Variants in SLC35F1 observed in about 807,000 individuals in gnomAD.
SLC35F1 encodes solute carrier family 35 member F1.
SLC35F1 carries 14 observed loss-of-function variants against 48.7 expected under a neutral mutation model. The observed-to-expected ratio is 0.29, with a 90% confidence interval of 0.19 to 0.45. The LOEUF (loss-of-function observed/expected upper bound fraction) is 0.45. Ranked by LOEUF, SLC35F1 falls within the 20% of genes least tolerant of loss-of-function variation. The pLI, the probability that SLC35F1 is intolerant of heterozygous loss-of-function variation, is 1.00. For synonymous variants in SLC35F1, 190 were observed against 202.2 expected, an observed-to-expected ratio of 0.94 and a Z score of 0.51; for missense variants, 404 against 500.0, an observed-to-expected ratio of 0.81 and a Z score of 1.83.
chr6:117,911,893 T>C (rs539447094), intron 1 of SLC35F1, among the ~76,000 whole-genome samples: 1 of 152,222 alleles, frequency 6.6e-6, no homozygotes, highest in East Asian at 1.9e-4. Context: ...CATACAGGAG[T>C]AGCTACTGAC....
At chr6:118,222,480 A>G (rs1775164145) in intron 2 of SLC35F1, among the ~76,000 whole-genome samples, 1 of 151,824 alleles carries the variant, frequency 6.6e-6, no homozygotes, top group Non-Finnish European at 1.5e-5. Context: ...CTTGACCTTC[A>G]AGGCCTATTT....
intron 3 of SLC35F1, among the ~76,000 whole-genome samples, chr6:118,265,721 C>G (rs1178296118): frequency 6.6e-6 from 1 of 152,120 alleles, no homozygotes; most frequent in Admixed American, 6.5e-5. Context: ...ATTTGGTAAT[C>G]AATAGGATAT....
intron 1 of SLC35F1, among the ~76,000 whole-genome samples, chr6:117,940,088 G>A (rs1202582639): frequency 6.6e-6 from 1 of 152,190 alleles, no homozygotes; most frequent in East Asian, 1.9e-4. Flanking sequence ...CAAGTACATG[G>A]AGGCACTATG....
chr6:118,221,548 A>G (rs1775150911), intron 2 of SLC35F1, among the ~76,000 whole-genome samples: 1 of 152,216 alleles, frequency 6.6e-6, no homozygotes, highest in African/African-American at 2.4e-5. Context: ...GAGGGCACAG[A>G]CACAAAAACA....
intron 1 of SLC35F1, among the ~76,000 whole-genome samples, chr6:118,091,765 A>G (rs1468403346): frequency 1.3e-5 from 2 of 152,324 alleles, no homozygotes; most frequent in African/African-American, 4.8e-5. Flanking sequence ...GAAAGTTTGG[A>G]ACTTCCTAGA....
intron 1 of SLC35F1, among the ~76,000 whole-genome samples, chr6:118,136,595 T>A (rs1773800869): frequency 6.6e-6 from 1 of 152,184 alleles, no homozygotes; most frequent in Non-Finnish European, 1.5e-5. Context: ...TGCCCCTCCT[T>A]TTTTGGTCTT....
intron 2 of SLC35F1, among the ~76,000 whole-genome samples, chr6:118,199,891 T>G (rs1408426571): frequency 6.6e-6 from 1 of 152,216 alleles, no homozygotes; most frequent in Non-Finnish European, 1.5e-5. Context: ...TGTTTTTCCT[T>G]ACAACCACAT....
intron 1 of SLC35F1, among the ~76,000 whole-genome samples, chr6:117,928,041 T>G (rs1208044720): frequency 6.6e-6 from 1 of 152,174 alleles, no homozygotes; most frequent in Non-Finnish European, 1.5e-5. Context: ...AGGGTTTCCT[T>G]CTACTCCCAT....
At chr6:118,157,073 T>C (rs769145762) in intron 2 of SLC35F1, among the ~76,000 whole-genome samples, 6 of 152,182 alleles carry the variant, frequency 3.9e-5, no homozygotes, top group African/African-American at 7.2e-5. Flanking sequence ...TTTTATTCCA[T>C]CAATCCAAGG....
intron 6 of SLC35F1, among the ~76,000 whole-genome samples, chr6:118,279,611 C>T (rs550619659): frequency 2.0e-5 from 3 of 152,296 alleles, no homozygotes; most frequent in South Asian, 4.1e-4. Flanking sequence ...TGACATTGCA[C>T]TTTCTTTCTG....
intron 2 of SLC35F1, among the ~76,000 whole-genome samples, chr6:118,220,488 G>A (rs1775133173): frequency 6.6e-6 from 1 of 152,098 alleles, no homozygotes; most frequent in Non-Finnish European, 1.5e-5. Context: ...AGCAAGCCCT[G>A]GAGTAAAATG....
chr6:118,227,368 G>A (rs879306901), intron 2 of SLC35F1, among the ~76,000 whole-genome samples: 2 of 152,212 alleles, frequency 1.3e-5, no homozygotes, highest in Non-Finnish European at 1.5e-5. Context: ...ACAGGATTTT[G>A]GGGTATAAAT....
At chr6:118,286,304 G>C (rs4945620) in intron 7 of SLC35F1, among the ~76,000 whole-genome samples, 3,737 of 152,318 alleles carry the variant, frequency 0.025, 75 homozygotes, top group Middle Eastern at 0.071. Flanking sequence ...GGGGTGGCCA[G>C]ATGATGGGGC....
chr6:117,966,140 C>G (rs907166870), intron 1 of SLC35F1, among the ~76,000 whole-genome samples: 5 of 128,098 alleles, frequency 3.9e-5, no homozygotes, highest in Non-Finnish European at 6.9e-5. Context: ...CGCCCCCCCC[C>G]CCACTCCCGC....
intron 7 of SLC35F1, among the ~76,000 whole-genome samples, chr6:118,294,465 C>G (rs1776159930): frequency 6.6e-6 from 1 of 152,164 alleles, no homozygotes; most frequent in Non-Finnish European, 1.5e-5. Flanking sequence ...ACAGAAAATT[C>G]CTTTTTGCCT....
intron 1 of SLC35F1, among the ~76,000 whole-genome samples, chr6:118,075,422 A>C (rs757977747): frequency 6.6e-6 from 1 of 152,228 alleles, no homozygotes; most frequent in Non-Finnish European, 1.5e-5. Flanking sequence ...AGTCCATCAC[A>C]TTTTGTGGTC....
chr6:118,086,556 G>A (rs760887014), intron 1 of SLC35F1, among the ~76,000 whole-genome samples: 30 of 152,202 alleles, frequency 2.0e-4, no homozygotes, highest in Non-Finnish European at 3.4e-4. Context: ...AACTGAGGCA[G>A]AAGAGGAATG....
intron 1 of SLC35F1, among the ~76,000 whole-genome samples, chr6:117,973,491 G>A (rs1776668801): frequency 6.6e-6 from 1 of 151,980 alleles, no homozygotes; most frequent in Admixed American, 6.6e-5. Context: ...ATGATGATAT[G>A]CTTTCTGGGT....
intron 1 of SLC35F1, among the ~76,000 whole-genome samples, chr6:118,060,788 A>G (rs989463203): frequency 6.6e-6 from 1 of 152,230 alleles, no homozygotes; most frequent in African/African-American, 2.4e-5. Context: ...GACTCATTTA[A>G]TCCTCATAAG....
Sources: gnomAD v4.1 joint callset for allele counts (sites outside exome capture counted in the v4.1 genomes callset) on GRCh38, gnomAD v4.1.1 for gene constraint, MANE v1.5 for transcripts, NCBI Gene and HGNC (gene_info 2026-07-23, HGNC 2026-07-21) for gene names.